The following PCDHGA8 variants were observed in gnomAD, a reference collection of about 807,000 sequenced individuals.
The protein encoded by PCDHGA8 is protocadherin gamma subfamily A, 8, also known as protocadherin gamma-A8.
PCDHGA8 carries 45 observed loss-of-function variants against 59.2 expected under a neutral mutation model. The observed-to-expected ratio is 0.76, with a 90% confidence interval of 0.60 to 0.98. PCDHGA8 has a LOEUF of 0.98. Ranked by LOEUF, PCDHGA8 falls within the 50% of genes least tolerant of loss-of-function variation. The pLI is 0.00. For synonymous variants in PCDHGA8, 531 were observed against 519.0 expected, an observed-to-expected ratio of 1.02 and a Z score of -0.32; for missense variants, 1,257 against 1,196.2, an observed-to-expected ratio of 1.05 and a Z score of -0.75.
chr5:141,401,408 A>T (rs943963302), intron 1 of PCDHGA8, among the ~76,000 whole-genome samples: 9 of 152,200 alleles, frequency 5.9e-5, no homozygotes, highest in African/African-American at 1.7e-4. Context: ...TATGAGAGAG[A>T]AAGAGAGAGA....
chr5:141,439,632 T>C (rs1335553818), intron 1 of PCDHGA8, among the ~76,000 whole-genome samples: 1 of 152,182 alleles, frequency 6.6e-6, no homozygotes, highest in Non-Finnish European at 1.5e-5. Context: ...TCCCCAGACA[T>C]TCCGGCTTGG....
At chr5:141,405,505 C>A in intron 1 of PCDHGA8, 2 of 751,126 alleles carry the variant, frequency 2.7e-6, no homozygotes, top group Non-Finnish European at 4.2e-6. Context: ...TTGCAACCTC[C>A]GCCTCCCAAA....
chr5:141,490,497 C>G lies in PCDHGA8; in HGVS notation c.2425-4310C>G. The stretch of plus-strand genomic sequence containing the variant: ...CTTTGGACCGGGAGGCCACATCCCA[C>G]TATATCATCGAGCTGCTGGCCAGCG... On this transcript the variant is annotated intron_variant, in intron 1 of 3. Transcript: ENST00000398604. The surrounding 1 kb of genome is among the most constrained non-coding windows in gnomAD (Gnocchi z 5.4). 6.2e-7 allele frequency: 1 copy of G among 1,614,196 alleles called. No individual in the cohort carries two copies. Among genetic ancestry groups the G allele is most frequent in the South Asian group, 1.1e-5 (1 of 91,084 alleles).
chr5:141,432,087 C>G lies in PCDHGA8; in HGVS notation c.2424+36850C>G. On this transcript the variant is annotated intron_variant, in intron 1 of 3. Coordinates refer to ENST00000398604, the MANE Select transcript of PCDHGA8 (RefSeq NM_032088.2). This position sits in a 1 kb window ranked among gnomAD's most constrained non-coding sequence, Gnocchi z 6.0. ...GAAACTCATATCTCGCTGAACGTGG[C>G]AGACACCAACGACAACCCGCCGGTC... 3 of 1,614,178 alleles carry G rather than the reference C, an allele frequency of 1.9e-6. No homozygotes were observed. The highest frequency in any genetic ancestry group is 2.5e-6 in the Non-Finnish European group (3 of 1,180,042).
intron 3 of PCDHGA8, among the ~76,000 whole-genome samples, chr5:141,509,532 A>C (rs2099877210): frequency 6.6e-6 from 1 of 152,124 alleles, no homozygotes; most frequent in African/African-American, 2.4e-5. Flanking sequence ...GCACAGGATG[A>C]AGCACCATCT....
At chr5:141,399,231 T>C in intron 1 of PCDHGA8, 1 of 1,613,942 alleles carries the variant, frequency 6.2e-7, no homozygotes, top group Non-Finnish European at 8.5e-7. Flanking sequence ...TCAAAATACA[T>C]GACCAAGATT....
chr5:141,396,628 A>G (rs1384822433), intron 1 of PCDHGA8: 2 of 152,210 alleles, frequency 1.3e-5, no homozygotes, highest in Non-Finnish European at 2.9e-5. Flanking sequence ...TCAAAAAAAA[A>G]AAAAACTAAT....
Position 141,489,216 on chromosome 5 carries a change from C to G in PCDHGA8, c.2425-5591C>G. The G allele has an allele frequency of 6.7e-7, 1 of 1,486,698 alleles. No individual in the cohort carries two copies. Among genetic ancestry groups the G allele is most frequent in the Non-Finnish European group, 9.1e-7 (1 of 1,103,260 alleles). 92.1% of individuals were successfully genotyped at this position (1,486,698 alleles called of 1,614,324 possible). ...TTGGAGACAGGACAGCACAGACTTA[C>G]TCTCCACAAAGGGACTTCTGGGTCA... On this transcript the variant is annotated intron_variant, in intron 1 of 3. Transcript: ENST00000398604. This position sits in a 1 kb window ranked among gnomAD's most constrained non-coding sequence, Gnocchi z 4.5.
rs114776679 is a variant in PCDHGA8, at chr5:141,400,351, G to A, written c.2424+5114G>A. The A allele has an allele frequency of 1.1e-3, 1,779 of 1,614,070 alleles. 15 individuals are homozygous for A. The African/African-American group carries it at 0.021, about 19-fold the overall frequency. On this transcript the variant is annotated intron_variant, in intron 1 of 3. Coordinates refer to ENST00000398604, the MANE Select transcript of PCDHGA8 (RefSeq NM_032088.2). ...TGTGGTTCCCCCCAACTACAGTCAG[G>A]GGACTTTGCCTTATTCCTACAACCT...
At chr5:141,449,025 C>G (rs2154562458) in intron 1 of PCDHGA8, among the ~76,000 whole-genome samples, 1 of 152,216 alleles carries the variant, frequency 6.6e-6, no homozygotes, top group East Asian at 1.9e-4. Flanking sequence ...GCTTAGCATT[C>G]CTTTGGATTA....
In PCDHGA8 at chr5:141,395,245, T is replaced by G. The variant is rs1347101527; in HGVS notation, c.2424+8T>G. 6.4e-7 allele frequency: 1 copy of G among 1,571,252 alleles called. No individual in the cohort carries two copies. Among genetic ancestry groups the G allele is most frequent in the Admixed American group, 1.9e-5 (1 of 52,644 alleles). On this transcript the variant is annotated splice_region_variant and intron_variant, in intron 1 of 3. Coordinates refer to ENST00000398604, the MANE Select transcript of PCDHGA8 (RefSeq NM_032088.2). Reference sequence around the variant, plus strand: ...GAAGCTGATCATGGTCAGGTGAGTTTAGTTCTTTGCTTGCTTTTAATTTCC... The same window carrying G: ...GAAGCTGATCATGGTCAGGTGAGTTGAGTTCTTTGCTTGCTTTTAATTTCC...
intron 1 of PCDHGA8, among the ~76,000 whole-genome samples, chr5:141,481,593 G>A (rs575017133): frequency 1.3e-5 from 2 of 152,172 alleles, no homozygotes; most frequent in African/African-American, 2.4e-5. Context: ...TGAGGCCAGC[G>A]GATCACCTGA....
intron 1 of PCDHGA8, chr5:141,478,814 C>T (rs1271237848): frequency 6.9e-7 from 1 of 1,451,050 alleles, no homozygotes; most frequent in East Asian, 2.5e-5. Context: ...GCTATCACAA[C>T]TAACCAATCT....
At chr5:141,410,619 C>G in intron 1 of PCDHGA8, 1 of 1,603,732 alleles carries the variant, frequency 6.2e-7, no homozygotes, top group Admixed American at 1.7e-5. Context: ...ACTCTGACTT[C>G]GGTGAGTTTC....
At chr5:141,421,788 G>C (rs1262781272) in intron 1 of PCDHGA8, 7 of 1,613,682 alleles carry the variant, frequency 4.3e-6, no homozygotes, top group Admixed American at 3.3e-5. Flanking sequence ...GGGGCAGAAC[G>C]GATGGGGCCA....
At position 141,491,257 on chromosome 5, in the gene PCDHGA8, G is replaced by GAAAT. The variant is rs1562145331; in HGVS notation, c.2425-3549_2425-3546dup. On this transcript the variant is annotated intron_variant, in intron 1 of 3. Transcript: ENST00000398604. The surrounding 1 kb of genome is among the most constrained non-coding windows in gnomAD (Gnocchi z 6.9). ...GGTTCTGGAGGATGAGGACCCTGAG[G>GAAAT]AAATGCCCAAATCCAGTGACTTCCT... is the stretch of plus-strand genomic sequence containing the variant. 6.2e-7 allele frequency: 1 copy of GAAAT among 1,614,170 alleles called. No individual in the cohort carries two copies. Among genetic ancestry groups the GAAAT allele is most frequent in the East Asian group, 2.2e-5 (1 of 44,884 alleles).
intron 1 of PCDHGA8, among the ~76,000 whole-genome samples, chr5:141,434,579 A>T (rs931282309): frequency 6.6e-6 from 1 of 152,232 alleles, no homozygotes; most frequent in African/African-American, 2.4e-5. Context: ...CCTGCTGCAG[A>T]TAACTACCTC....
At position 141,432,273 on chromosome 5, in the gene PCDHGA8, T is replaced by G. The variant is rs199937628; in HGVS notation, c.2424+37036T>G. 6.8e-6 allele frequency: 11 copies of G among 1,614,238 alleles called. No individual in the cohort carries two copies. In the Admixed American group the frequency reaches 1.7e-4, roughly 24 times the overall value. ...CAAGGGGCAAGCCTATCGTCCTACG[T>G]GTCCATCAACTCCGACACTGGGGTA... On this transcript the variant is annotated intron_variant, in intron 1 of 3. Coordinates refer to ENST00000398604, the MANE Select transcript of PCDHGA8 (RefSeq NM_032088.2). This position sits in a 1 kb window ranked among gnomAD's most constrained non-coding sequence, Gnocchi z 6.0.
At position 141,476,689 on chromosome 5, in the gene PCDHGA8, C is replaced by A; in HGVS notation, c.2425-18118C>A. Reference sequence around the variant, plus strand: ...GCGTGCAGACGCGGGAGGACAGCACCAAGTACGCGGAGCTGGTGTTGGAGC... The same window carrying A: ...GCGTGCAGACGCGGGAGGACAGCACAAAGTACGCGGAGCTGGTGTTGGAGC... On this transcript the variant is annotated intron_variant, in intron 1 of 3. Transcript: ENST00000398604. The surrounding 1 kb of genome is among the most constrained non-coding windows in gnomAD (Gnocchi z 7.6). The A allele has an allele frequency of 1.9e-6, 3 of 1,614,226 alleles. No homozygotes were observed. Among genetic ancestry groups the A allele is most frequent in the Non-Finnish European group, 2.5e-6 (3 of 1,180,046 alleles).
Sources: gnomAD v4.1 joint callset for allele counts (sites outside exome capture counted in the v4.1 genomes callset) on GRCh38, gnomAD v4.1.1 for gene constraint, Gnocchi (gnomAD v3.1) non-coding constraint, MANE v1.5 for transcripts, NCBI Gene and HGNC (gene_info 2026-07-23, HGNC 2026-07-21) for gene names.